HTR4: variants seen among roughly 807,000 people sequenced by gnomAD.
HTR4 encodes 5-hydroxytryptamine (serotonin) receptor 4, G protein-coupled.
A neutral mutation model predicts 36.8 loss-of-function variants in HTR4; 16 were observed. That is an observed-to-expected ratio of 0.43 (90% CI 0.29 to 0.66). HTR4 has a LOEUF of 0.66. Among genes scored for constraint, HTR4 ranks in the 30% least tolerant of loss-of-function variants. The pLI is 0.13. For missense variants in HTR4, 438 were observed against 490.9 expected (o/e 0.89, Z 1.02); for synonymous variants, 189 against 185.1 (o/e 1.02, Z -0.17).
intron 4 of HTR4, among the ~76,000 whole-genome samples, chr5:148,531,165 G>A (rs146867711): frequency 2.6e-4 from 40 of 152,282 alleles, no homozygotes; most frequent in African/African-American, 8.2e-4. Context: ...GGGACTGTTG[G>A]GAAGGTATTA....
rs1319664084 is a variant in HTR4, at chr5:148,509,814, G to A, written c.718C>T (p.Pro240Ser). 3 of 1,613,986 alleles carry A rather than the reference G, an allele frequency of 1.9e-6. No homozygotes were observed. The South Asian group carries it at 3.3e-5, about 18-fold the overall frequency. The change falls in exon 6 of 7, where the codon CCT becomes TCT. Residue 240 changes from proline to serine, a missense_variant. Physicochemically the swap from Pro to Ser is moderately conservative, Grantham distance 74. Coordinates refer to ENST00000377888, the MANE Select transcript of HTR4 (RefSeq NM_000870.7). ...GTGCTATGCTGGTCTGCCGACTGAG[G>A]CCTGCTCTCGGAGGAGGCTCCTGCC... The part of the protein sequence containing the change: ...QRAGASSESR[P>S]QSADQHSTHR...
intron 5 of HTR4, among the ~76,000 whole-genome samples, chr5:148,456,477 G>A (rs1755104627): frequency 6.6e-6 from 1 of 152,162 alleles, no homozygotes; most frequent in Admixed American, 6.5e-5. Context: ...AGAAAAGAAA[G>A]CACAGGGTAC....
At chr5:148,493,461 C>T (rs1756549117) in intron 6 of HTR4, among the ~76,000 whole-genome samples, 1 of 152,034 alleles carries the variant, frequency 6.6e-6, no homozygotes. Context: ...ATTCCACATA[C>T]AAGTTAAATG....
intron 4 of HTR4, among the ~76,000 whole-genome samples, chr5:148,532,454 C>G (rs995940482): frequency 6.6e-6 from 1 of 152,148 alleles, no homozygotes; most frequent in Non-Finnish European, 1.5e-5. Context: ...CAATCACTAC[C>G]AAGTACAATA....
intron 2 of HTR4, among the ~76,000 whole-genome samples, chr5:148,577,221 C>A (rs1561629937): frequency 6.6e-6 from 1 of 152,052 alleles, no homozygotes; most frequent in Admixed American, 6.6e-5. Context: ...AAAAGAAGCT[C>A]AATATCACTG....
chr5:148,572,070 T>C (rs1760699480), intron 2 of HTR4, among the ~76,000 whole-genome samples: 1 of 152,080 alleles, frequency 6.6e-6, no homozygotes. Flanking sequence ...TGTGGTTAGC[T>C]TGAAAATAAA....
At chr5:148,633,693 T>C (rs527485586) in intron 2 of HTR4, among the ~76,000 whole-genome samples, 1 of 152,040 alleles carries the variant, frequency 6.6e-6, no homozygotes, top group Non-Finnish European at 1.5e-5. Flanking sequence ...AGCTACACAG[T>C]GAGATCCTTA....
intron 1 of HTR4, among the ~76,000 whole-genome samples, chr5:148,637,811 A>G (rs1753597797): frequency 6.6e-6 from 1 of 152,102 alleles, no homozygotes; most frequent in African/African-American, 2.4e-5. Flanking sequence ...TTATATCTTC[A>G]TCACATCTGT....
chr5:148,521,678 C>G (rs1463987027), intron 5 of HTR4, among the ~76,000 whole-genome samples: 1 of 152,036 alleles, frequency 6.6e-6, no homozygotes, highest in Non-Finnish European at 1.5e-5. Context: ...TTATGTTTAT[C>G]TGGAGAACCA....
At chr5:148,475,310 A>G (rs1351041521), downstream of HTR4, among the ~76,000 whole-genome samples, 1 of 152,206 alleles carries the variant, frequency 6.6e-6, no homozygotes, top group Non-Finnish European at 1.5e-5. Context: ...GCAGGGATTC[A>G]ATCCAGTCAA....
chr5:148,617,781 C>G (rs1431018427), intron 2 of HTR4, among the ~76,000 whole-genome samples: 2 of 152,070 alleles, frequency 1.3e-5, no homozygotes, highest in African/African-American at 4.8e-5. Flanking sequence ...CTAGTCAAGT[C>G]TCTTACCTGG....
At chr5:148,628,808 G>A (rs534338690) in intron 2 of HTR4, 33 of 152,322 alleles carry the variant, frequency 2.2e-4, no homozygotes, top group African/African-American at 7.9e-4. Flanking sequence ...CTAAGAAATT[G>A]TAAATAATTC....
chr5:148,497,112 G>T (rs752591974), intron 6 of HTR4, among the ~76,000 whole-genome samples: 5 of 151,902 alleles, frequency 3.3e-5, no homozygotes, highest in Non-Finnish European at 7.4e-5. Flanking sequence ...CTTCAATAAA[G>T]GTCTTATACT....
chr5:148,508,793 A>G (rs1282924364), intron 6 of HTR4, among the ~76,000 whole-genome samples: 1 of 152,140 alleles, frequency 6.6e-6, no homozygotes, highest in Non-Finnish European at 1.5e-5. Context: ...CGTTATTACT[A>G]TTGGTCCTAA....
rs1760863778 is a variant in HTR4, at chr5:148,575,596, T to G, written c.27-25334A>C. Among the ~76,000 whole-genome samples the G allele has an allele frequency of 2.0e-5, 3 of 152,104 alleles. No individual in the cohort carries two copies. In the South Asian group the frequency reaches 6.2e-4, roughly 32 times the overall value. On this transcript the variant is annotated intron_variant, in intron 2 of 6. Coordinates refer to ENST00000377888, the MANE Select transcript of HTR4 (RefSeq NM_000870.7). ...CACAGAACCTAAAGAAACTCACACA[T>G]GTACCCAAGATGACATTATTATTTA...
At chr5:148,506,630 A>G (rs960549309) in intron 6 of HTR4, among the ~76,000 whole-genome samples, 1 of 152,238 alleles carries the variant, frequency 6.6e-6, no homozygotes, top group African/African-American at 2.4e-5. Flanking sequence ...CCCATCTGAC[A>G]AAGGGCTAAT....
At chr5:148,592,285 T>C (rs1761603058) in intron 2 of HTR4, among the ~76,000 whole-genome samples, 1 of 152,124 alleles carries the variant, frequency 6.6e-6, no homozygotes, top group South Asian at 2.1e-4. Flanking sequence ...TATTGGGTAC[T>C]GGGCTTAATT....
intron 4 of HTR4, among the ~76,000 whole-genome samples, chr5:148,535,841 C>G (rs1306719407): frequency 6.6e-6 from 1 of 152,096 alleles, no homozygotes; most frequent in East Asian, 1.9e-4. Flanking sequence ...GAAACTCCCC[C>G]AACCTTGCTA....
At chr5:148,550,014 ATGT>A (rs1237411899) in intron 3 of HTR4, 120 bp downstream of exon 3, 3 of 988,802 alleles carry the variant, frequency 3.0e-6, no homozygotes, top group Non-Finnish European at 2.9e-6. Flanking sequence ...TATTTTTAAA[ATGT>A]TGTTCCCATG....
Sources: allele counts gnomAD v4.1 joint callset (sites outside exome capture counted in the v4.1 genomes callset), GRCh38; gene constraint gnomAD v4.1.1; transcripts MANE v1.5; gene names NCBI Gene and HGNC (gene_info 2026-07-23, HGNC 2026-07-21).